Variants in LRRC37A observed in about 807,000 individuals in gnomAD.
LRRC37A encodes the protein leucine-rich repeat-containing protein 37A.
Under a neutral mutation model 35.4 loss-of-function variants are expected in LRRC37A, and 3 were observed. The observed-to-expected ratio is 0.08, with a 90% confidence interval of 0.04 to 0.22. The LOEUF (loss-of-function observed/expected upper bound fraction) is 0.22, where lower values mean the gene tolerates loss of function less well. Ranked by LOEUF, LRRC37A falls within the 10% of genes least tolerant of loss-of-function variation. The probability of loss-of-function intolerance (pLI) is 1.00; values close to 1 mark genes in which losing one functional copy is unlikely to be tolerated. For missense variants in LRRC37A, 67 were observed against 565.3 expected, an observed-to-expected ratio of 0.12 and a Z score of 8.94; for synonymous variants, 23 against 215.0, an observed-to-expected ratio of 0.11 and a Z score of 7.81.
chr17:46,280,917 C>T, the LRRC37A span, among the ~76,000 whole-genome samples: 3 of 152,158 alleles, frequency 2.0e-5, no homozygotes, highest in Non-Finnish European at 4.4e-5. Flanking sequence ...AGAAAGGGTA[C>T]CCTGAGTCCT....
In LRRC37A at chr17:46,306,216, C is replaced by CT. The variant is rs751634681; in HGVS notation, c.2826-3dup. 8.1e-3 allele frequency: 1,473 copies of CT among 181,026 alleles called. 4 individuals carry two copies. The highest frequency in any genetic ancestry group is 0.012 in the Middle Eastern group (5 of 420). 11.2% of individuals were successfully genotyped at this position (181,026 alleles called of 1,614,324 possible). ...AATTTTTTTTTTCTTTGGCTTGTGT[C>CT]TTTTTTTTTTAGAAATCTTAGTTGC... On this transcript the variant is annotated splice_polypyrimidine_tract_variant and intron_variant, in intron 4 of 13. Transcript: ENST00000320254.
chr17:46,255,484 G>A, the LRRC37A span, among the ~76,000 whole-genome samples: 1 of 145,950 alleles, frequency 6.9e-6, no homozygotes, highest in Non-Finnish European at 1.5e-5. Flanking sequence ...TCCTGCCTCA[G>A]CCTACCGAGT....
the LRRC37A span, among the ~76,000 whole-genome samples, chr17:46,278,496 C>G: frequency 2.6e-5 from 4 of 152,030 alleles, no homozygotes; most frequent in East Asian, 7.8e-4. Flanking sequence ...CCTCCACCTC[C>G]TGGGTTCAAG....
At chr17:46,258,627 C>T in the LRRC37A span, among the ~76,000 whole-genome samples, 1 of 151,302 alleles carries the variant, frequency 6.6e-6, no homozygotes, top group African/African-American at 2.4e-5. Context: ...TATAGATATA[C>T]AGTGGAATAC....
the LRRC37A span, among the ~76,000 whole-genome samples, chr17:46,269,535 A>G: frequency 3.9e-5 from 6 of 152,092 alleles, no homozygotes; most frequent in Non-Finnish European, 7.3e-5. Flanking sequence ...AAACAAACAA[A>G]GTGTACAAAA....
At chr17:46,272,326 T>C in the LRRC37A span, among the ~76,000 whole-genome samples, 1 of 152,252 alleles carries the variant, frequency 6.6e-6, no homozygotes, top group Non-Finnish European at 1.5e-5. Context: ...CTGTGTTATA[T>C]AGATCTTAAT....
the LRRC37A span, among the ~76,000 whole-genome samples, chr17:46,252,048 G>A: frequency 1.3e-5 from 2 of 152,312 alleles, no homozygotes; most frequent in South Asian, 4.1e-4. Context: ...CCTCCACAGG[G>A]AATATATACT....
chr17:46,252,351 C>T, the LRRC37A span, among the ~76,000 whole-genome samples: 8 of 142,808 alleles, frequency 5.6e-5, no homozygotes, highest in South Asian at 2.1e-4. Flanking sequence ...AATACAGGCG[C>T]GTGCCACCAT....
At chr17:46,285,241 CTT>C in the LRRC37A span, among the ~76,000 whole-genome samples, 34 of 138,334 alleles carry the variant, frequency 2.5e-4, no homozygotes, top group Middle Eastern at 3.8e-3. Context: ...CTTTTCTTTC[CTT>C]TTTTTTTTTT....
chr17:46,330,663 C>T lies in LRRC37A; in HGVS notation c.3386C>T (p.Ala1129Val), dbSNP rs751312065. The change falls in exon 9 of 14, where the codon GCG (alanine) becomes GTG (valine). Residue 1129 changes from alanine (A) to valine (V), a missense_variant. Transcript: ENST00000320254. ...AGTTACATCTTGCCTTATTTCTCAG[C>T]GGTAAACCTAGATGTGAAATCACTG... 8 of 280,646 alleles carry T rather than the reference C, an allele frequency of 2.9e-5. 1 individual carries two copies. Among genetic ancestry groups the T allele is most frequent in the East Asian group, 2.7e-4 (8 of 29,842 alleles). The allele number at this position is 280,646 out of a possible 1,614,324, so 17.4% of individuals were successfully genotyped here. A position where few individuals can be genotyped will look rare whatever the true frequency, so the allele number is the denominator to read the frequency against.
At chr17:46,280,005 T>G in the LRRC37A span, among the ~76,000 whole-genome samples, 1 of 152,258 alleles carries the variant, frequency 6.6e-6, no homozygotes, top group Non-Finnish European at 1.5e-5. Flanking sequence ...CACAGCCTGC[T>G]GTACAAATGT....
At chr17:46,265,260 T>C in the LRRC37A span, among the ~76,000 whole-genome samples, 1 of 20,380 alleles carries the variant, frequency 4.9e-5, no homozygotes, top group African/African-American at 1.3e-4. Context: ...TTCTTCTTCT[T>C]CTTCTTCTTC....
chr17:46,257,100 T>A, the LRRC37A span, among the ~76,000 whole-genome samples: 23 of 152,156 alleles, frequency 1.5e-4, no homozygotes, highest in Non-Finnish European at 3.1e-4. Flanking sequence ...CCTCAGTTAC[T>A]CATCTGTAAA....
chr17:46,279,427 A>G, the LRRC37A span, among the ~76,000 whole-genome samples: 21,674 of 150,378 alleles, frequency 0.14, 1,888 homozygotes, highest in Middle Eastern at 0.22. Flanking sequence ...CAGGTGATCC[A>G]TCCACCTTGG....
chr17:46,333,178 G>A (rs376491128), intron 10 of LRRC37A, among the ~76,000 whole-genome samples: 1 of 99,864 alleles, frequency 1.0e-5, no homozygotes, highest in Admixed American at 1.0e-4. Flanking sequence ...GCACTACAGA[G>A]TAGCCATCTT....
At chr17:46,288,215 C>T (rs1412973168), upstream of LRRC37A, among the ~76,000 whole-genome samples, 1 of 152,196 alleles carries the variant, frequency 6.6e-6, no homozygotes, top group East Asian at 1.9e-4. Flanking sequence ...GATCACGGCC[C>T]CCTGCAGCCT....
At chr17:46,256,020 G>A in the LRRC37A span, among the ~76,000 whole-genome samples, 1 of 152,108 alleles carries the variant, frequency 6.6e-6, no homozygotes, top group East Asian at 1.9e-4. Flanking sequence ...CCATGTGATG[G>A]TATTAGAAGG....
the LRRC37A span, chr17:46,260,473 C>A: frequency 6.3e-7 from 1 of 1,588,014 alleles, no homozygotes; most frequent in South Asian, 1.1e-5. Context: ...GGCTGCCCAC[C>A]CAGCCTGGGG....
chr17:46,264,477 C>T, the LRRC37A span, among the ~76,000 whole-genome samples: 1 of 152,230 alleles, frequency 6.6e-6, no homozygotes. Flanking sequence ...GACAAACTCC[C>T]TGGGCTCTGG....
Sources: allele counts gnomAD v4.1 joint callset (sites outside exome capture counted in the v4.1 genomes callset), GRCh38; gene constraint gnomAD v4.1.1; transcripts MANE v1.5; gene names NCBI Gene and HGNC (gene_info 2026-07-23, HGNC 2026-07-21).